The following THRB variants were observed in gnomAD, a reference collection of about 807,000 sequenced individuals.
THRB encodes thyroid hormone receptor beta, also known as nuclear receptor subfamily 1 group A member 2.
A neutral mutation model predicts 47.8 loss-of-function variants in THRB; 12 were observed. That is an observed-to-expected ratio of 0.25 (90% CI 0.16 to 0.41). THRB has a LOEUF of 0.41. Ranked by LOEUF, THRB falls within the 10% of genes least tolerant of loss-of-function variation. The pLI, the probability that THRB is intolerant of heterozygous loss-of-function variation, is 1.00. For missense variants in THRB, 348 were observed against 589.2 expected (o/e 0.59, Z 4.24); for synonymous variants, 218 against 212.2 (o/e 1.03, Z -0.24).
At chr3:24,161,487 A>C in intron 5 of THRB, among the ~76,000 whole-genome samples, 1 of 151,326 alleles carries the variant, frequency 6.6e-6, no homozygotes, top group East Asian at 1.9e-4. Flanking sequence ...GGAAAGTAGG[A>C]GAGAGAGACA....
intron 8 of THRB, among the ~76,000 whole-genome samples, chr3:24,142,325 C>T (rs1483077094): frequency 6.6e-6 from 1 of 152,202 alleles, no homozygotes; most frequent in Non-Finnish European, 1.5e-5. Context: ...TATTTGCTGA[C>T]ATTGCTGTTA....
At chr3:24,147,639 C>T (rs920971227) in intron 6 of THRB, among the ~76,000 whole-genome samples, 3 of 152,144 alleles carry the variant, frequency 2.0e-5, no homozygotes, top group Non-Finnish European at 4.4e-5. Flanking sequence ...ATGTGCAATA[C>T]TAGAATTTTT....
chr3:24,126,534 T>C (rs761128947), intron 10 of THRB, among the ~76,000 whole-genome samples: 5 of 152,222 alleles, frequency 3.3e-5, no homozygotes, highest in Non-Finnish European at 7.3e-5. Context: ...GCCTAGGTGC[T>C]GGATGTACAG....
At chr3:24,311,706 C>G (rs919315851) in intron 2 of THRB, among the ~76,000 whole-genome samples, 5 of 152,134 alleles carry the variant, frequency 3.3e-5, no homozygotes, top group Non-Finnish European at 7.4e-5. Flanking sequence ...TTAAATCTCT[C>G]TTCTGGACTC....
chr3:24,237,200 A>T (rs1483596453), intron 3 of THRB, among the ~76,000 whole-genome samples: 1 of 152,182 alleles, frequency 6.6e-6, no homozygotes, highest in Non-Finnish European at 1.5e-5. Context: ...GGCAGTCAGA[A>T]TTTCTCCACT....
intron 1 of THRB, among the ~76,000 whole-genome samples, chr3:24,482,456 C>T (rs575433331): frequency 1.3e-5 from 2 of 152,094 alleles, no homozygotes; most frequent in East Asian, 3.9e-4. Flanking sequence ...GCATAGATAC[C>T]TACCCTTCCC....
chr3:24,139,814 C>A (rs2035204399), intron 8 of THRB, among the ~76,000 whole-genome samples: 2 of 152,200 alleles, frequency 1.3e-5, no homozygotes, highest in African/African-American at 4.8e-5. Context: ...TGAATACTTT[C>A]AGCTTTAATG....
At chr3:24,448,276 A>C (rs1205327292) in intron 1 of THRB, among the ~76,000 whole-genome samples, 1 of 152,166 alleles carries the variant, frequency 6.6e-6, no homozygotes, top group African/African-American at 2.4e-5. Context: ...AAAAATCAGC[A>C]TAATCACATA....
chr3:24,391,958 T>C (rs537405689), intron 1 of THRB, among the ~76,000 whole-genome samples: 1 of 152,196 alleles, frequency 6.6e-6, no homozygotes, highest in East Asian at 1.9e-4. Flanking sequence ...AGGGCAGCCA[T>C]GCTGAAATTG....
Position 24,203,981 on chromosome 3 carries a change from G to T in THRB, c.23-13647C>A, listed in dbSNP as rs542990132. 4.6e-5 allele frequency among the ~76,000 whole-genome samples: 7 copies of T among 152,380 alleles called. No individual in the cohort carries two copies. In the East Asian group the frequency reaches 1.3e-3, roughly 29 times the overall value. ...GGGAGGGGCACCCGCCATTGCTGAG[G>T]CTTGAGTAGGTAAACAAAGCAGCCG... On this transcript the variant is annotated intron_variant, in intron 4 of 10. Coordinates refer to ENST00000646209, the MANE Select transcript of THRB (RefSeq NM_001354712.2).
intron 1 of THRB, among the ~76,000 whole-genome samples, chr3:24,385,820 T>C (rs530598562): frequency 3.2e-4 from 49 of 152,212 alleles, no homozygotes; most frequent in African/African-American, 9.6e-4. Context: ...AGATAAATCA[T>C]CACGCATGAA....
chr3:24,164,118 C>A (rs2039307079), intron 5 of THRB, among the ~76,000 whole-genome samples: 1 of 152,150 alleles, frequency 6.6e-6, no homozygotes, highest in Non-Finnish European at 1.5e-5. Context: ...TCTGGCATAT[C>A]TGCACTAGCA....
At chr3:24,348,767 T>C (rs7619474) in intron 1 of THRB, 110,450 of 152,032 alleles carry the variant, frequency 0.73, 41,098 homozygotes, top group African/African-American at 0.88. Context: ...TTGATGAAAC[T>C]GTATAACAAA....
At chr3:24,221,640 TGAGA>T (rs2047172128) in intron 4 of THRB, among the ~76,000 whole-genome samples, 1 of 152,186 alleles carries the variant, frequency 6.6e-6, no homozygotes, top group South Asian at 2.1e-4. Context: ...CAGGGGTTGC[TGAGA>T]AAGAATTTTT....
At chr3:24,209,585 A>C (rs1357929674) in intron 4 of THRB, among the ~76,000 whole-genome samples, 1 of 152,296 alleles carries the variant, frequency 6.6e-6, no homozygotes, top group East Asian at 1.9e-4. Context: ...ACAAAAAACC[A>C]AACACCCCAT....
intron 2 of THRB, among the ~76,000 whole-genome samples, chr3:24,306,143 A>C (rs2057321125): frequency 1.3e-5 from 2 of 152,330 alleles, no homozygotes; most frequent in South Asian, 4.1e-4. Context: ...TTAATAGTCC[A>C]GTCATTTGAA....
At chr3:24,203,795 A>G (rs931420313) in intron 4 of THRB, among the ~76,000 whole-genome samples, 4 of 152,224 alleles carry the variant, frequency 2.6e-5, no homozygotes, top group African/African-American at 9.6e-5. Flanking sequence ...GGAAAATCAG[A>G]TCACTCCCAC....
chr3:24,372,829 A>C (rs578201843), intron 1 of THRB, among the ~76,000 whole-genome samples: 1 of 152,248 alleles, frequency 6.6e-6, no homozygotes, highest in East Asian at 1.9e-4. Context: ...TGCTTAGTCT[A>C]TCACCATAAA....
At chr3:24,289,643 C>T (rs796851498) in intron 3 of THRB, among the ~76,000 whole-genome samples, 15 of 152,292 alleles carry the variant, frequency 9.8e-5, no homozygotes, top group African/African-American at 3.4e-4. Context: ...ATAGCAGCTA[C>T]TCAAAGAAAA....
Sources: allele counts gnomAD v4.1 joint callset (sites outside exome capture counted in the v4.1 genomes callset), GRCh38; gene constraint gnomAD v4.1.1; transcripts MANE v1.5; gene names NCBI Gene and HGNC (gene_info 2026-07-23, HGNC 2026-07-21).